The following NAV2 variants were observed in gnomAD, a reference collection of about 807,000 sequenced individuals.
The protein encoded by NAV2 is neuron navigator 2, also known as helicase, APC down-regulated 1.
In NAV2, 54 loss-of-function variants were observed where a neutral mutation model predicts 223.2. That is an observed-to-expected ratio of 0.24 (90% CI 0.19 to 0.30). The LOEUF (loss-of-function observed/expected upper bound fraction) is 0.30, where lower values mean the gene tolerates loss of function less well. Ranked by LOEUF, NAV2 falls within the 10% of genes least tolerant of loss-of-function variation. The probability of loss-of-function intolerance (pLI) is 1.00; values close to 1 mark genes in which losing one functional copy is unlikely to be tolerated. For missense variants in NAV2, 2,806 were observed against 3,147.5 expected, an observed-to-expected ratio of 0.89 and a Z score of 2.60; for synonymous variants, 1,279 against 1,239.3, an observed-to-expected ratio of 1.03 and a Z score of -0.67.
At chr11:20,053,147 G>C (rs987015583) in intron 17 of NAV2, among the ~76,000 whole-genome samples, 4 of 136,002 alleles carry the variant, frequency 2.9e-5, no homozygotes, top group African/African-American at 1.1e-4. Flanking sequence ...GAACCCAAGA[G>C]ACAGTGGTTG....
intron 1 of NAV2, among the ~76,000 whole-genome samples, chr11:19,407,814 G>T (rs1212633619): frequency 6.6e-6 from 1 of 152,070 alleles, no homozygotes; most frequent in Non-Finnish European, 1.5e-5. Flanking sequence ...CTGGCTTAGC[G>T]GTGCTCCCGT....
At chr11:19,972,205 C>T (rs2049309015) in intron 10 of NAV2, among the ~76,000 whole-genome samples, 1 of 152,222 alleles carries the variant, frequency 6.6e-6, no homozygotes. Flanking sequence ...CTTGAACATA[C>T]TTTTCAAATT....
intron 1 of NAV2, among the ~76,000 whole-genome samples, chr11:19,364,676 G>A (rs1180630888): frequency 6.6e-6 from 1 of 152,210 alleles, no homozygotes; most frequent in Non-Finnish European, 1.5e-5. Flanking sequence ...AGGACTGCAA[G>A]AGGGATACAG....
At position 20,036,005 on chromosome 11, in the gene NAV2, G is replaced by T. The variant is rs1439002388; in HGVS notation, c.2815G>T (p.Asp939Tyr). The change falls in exon 12 of 38, where the codon GAC (aspartate) becomes TAC (tyrosine). Residue 939 changes from aspartate to tyrosine, a missense_variant. Transcript: ENST00000349880. ...CAGCAGCGGCATCAGCGACACCATAGACAACCTCAGCACTGATGACATCAA... is the reference window on the plus strand; with the variant it reads ...CAGCAGCGGCATCAGCGACACCATATACAACCTCAGCACTGATGACATCAA... ...SVSSGISDTI[D>Y]NLSTDDINTS... 6.2e-7 allele frequency: 1 copy of T among 1,614,158 alleles called. No individual in the cohort carries two copies. Among genetic ancestry groups the T allele is most frequent in the Admixed American group, 1.7e-5 (1 of 60,018 alleles).
chr11:19,643,091 T>C (rs2047710632), intron 1 of NAV2, among the ~76,000 whole-genome samples: 1 of 152,198 alleles, frequency 6.6e-6, no homozygotes, highest in Admixed American at 6.5e-5. Flanking sequence ...GGAATCACTA[T>C]GGTTTTGAGG....
intron 25 of NAV2, among the ~76,000 whole-genome samples, chr11:20,081,083 T>G (rs982068288): frequency 5.9e-5 from 9 of 152,222 alleles, no homozygotes; most frequent in Non-Finnish European, 1.2e-4. Context: ...TTCTGTACAC[T>G]TCTCACTCAT....
At chr11:19,356,739 C>A (rs956370436) in intron 1 of NAV2, among the ~76,000 whole-genome samples, 3 of 152,138 alleles carry the variant, frequency 2.0e-5, no homozygotes, top group South Asian at 2.1e-4. Context: ...ATTCATGAAA[C>A]CTTAACCCCC....
chr11:19,391,265 C>CTTCA (rs2133217351), intron 1 of NAV2, among the ~76,000 whole-genome samples: 1 of 152,284 alleles, frequency 6.6e-6, no homozygotes, highest in African/African-American at 2.4e-5. Context: ...TGTCCCCCTG[C>CTTCA]TTCACCCTTA....
chr11:20,063,726 G>GA (rs891982401), intron 20 of NAV2, among the ~76,000 whole-genome samples: 12 of 150,784 alleles, frequency 8.0e-5, no homozygotes, highest in Admixed American at 2.0e-4. Context: ...TTTCTACAGG[G>GA]AAAAAAAAAG....
chr11:19,816,815 T>C (rs2059114608), intron 1 of NAV2, among the ~76,000 whole-genome samples: 1 of 152,242 alleles, frequency 6.6e-6, no homozygotes, highest in Admixed American at 6.5e-5. Context: ...AATATACCTA[T>C]AATATCTATT....
At chr11:19,571,152 A>G (rs561866276) in intron 1 of NAV2, among the ~76,000 whole-genome samples, 4 of 152,362 alleles carry the variant, frequency 2.6e-5, no homozygotes, top group African/African-American at 9.6e-5. Flanking sequence ...ATGAACTCTG[A>G]AAACATTATG....
At chr11:19,612,017 C>T (rs1323805733) in intron 1 of NAV2, among the ~76,000 whole-genome samples, 1 of 152,240 alleles carries the variant, frequency 6.6e-6, no homozygotes, top group Non-Finnish European at 1.5e-5. Flanking sequence ...GAAATCTAGA[C>T]GGATGTTCCC....
intron 1 of NAV2, among the ~76,000 whole-genome samples, chr11:19,515,898 C>T (rs751360453): frequency 4.6e-5 from 7 of 152,120 alleles, no homozygotes; most frequent in Non-Finnish European, 8.8e-5. Context: ...AAGGTTGATT[C>T]CAAGTGTTTC....
intron 1 of NAV2, among the ~76,000 whole-genome samples, chr11:19,406,382 G>T (rs540354635): frequency 6.6e-6 from 1 of 152,146 alleles, no homozygotes; most frequent in Non-Finnish European, 1.5e-5. Context: ...GGGAAGCACC[G>T]CGCAGAACGG....
chr11:19,968,216 A>C (rs955807745), intron 10 of NAV2, among the ~76,000 whole-genome samples: 2 of 152,096 alleles, frequency 1.3e-5, no homozygotes, highest in African/African-American at 4.8e-5. Flanking sequence ...GTTTGTTTTG[A>C]GATAGAGTTT....
chr11:19,577,723 G>C (rs1370548710), intron 1 of NAV2, among the ~76,000 whole-genome samples: 1 of 152,156 alleles, frequency 6.6e-6, no homozygotes, highest in Non-Finnish European at 1.5e-5. Context: ...TGGGGGTGTG[G>C]GTTGGGTGGG....
At chr11:19,476,163 C>T (rs1247815612) in intron 1 of NAV2, among the ~76,000 whole-genome samples, 9 of 152,034 alleles carry the variant, frequency 5.9e-5, no homozygotes, top group South Asian at 2.1e-4. Context: ...TTAGTAGAGA[C>T]GGGGTTTCAC....
At chr11:19,904,876 G>A (rs1185389427) in intron 6 of NAV2, among the ~76,000 whole-genome samples, 1 of 152,154 alleles carries the variant, frequency 6.6e-6, no homozygotes, top group Non-Finnish European at 1.5e-5. Flanking sequence ...ACAATAGCCG[G>A]TAGGTTGGAA....
chr11:20,020,242 G>A (rs1318663202), intron 11 of NAV2, among the ~76,000 whole-genome samples: 3 of 152,192 alleles, frequency 2.0e-5, no homozygotes, highest in African/African-American at 7.2e-5. Flanking sequence ...TGATACCTGA[G>A]TAGAGTTCAT....
Sources: gnomAD v4.1 joint callset for allele counts (sites outside exome capture counted in the v4.1 genomes callset) on GRCh38, gnomAD v4.1.1 for gene constraint, MANE v1.5 for transcripts, NCBI Gene and HGNC (gene_info 2026-07-23, HGNC 2026-07-21) for gene names.